Variants in CEMIP observed in about 807,000 individuals in gnomAD.
CEMIP encodes the protein cell migration-inducing and hyaluronan-binding protein.
A neutral mutation model predicts 156.9 loss-of-function variants in CEMIP; 105 were observed. That is an observed-to-expected ratio of 0.67 (90% CI 0.57 to 0.79). The LOEUF is 0.79. CEMIP is among the 30% of genes least tolerant of loss of function. The pLI, the probability that CEMIP is intolerant of heterozygous loss-of-function variation, is 0.00. For missense variants in CEMIP, 1,457 were observed against 1,769.4 expected (o/e 0.82, Z 3.17); for synonymous variants, 676 against 668.4 (o/e 1.01, Z -0.17).
chr15:80,845,006 A>C (rs1264510613), intron 1 of CEMIP, among the ~76,000 whole-genome samples: 4 of 152,258 alleles, frequency 2.6e-5, no homozygotes, highest in Admixed American at 2.0e-4. Context: ...AATGATTTGT[A>C]AAACGATTTT....
intron 12 of CEMIP, among the ~76,000 whole-genome samples, chr15:80,903,337 G>A (rs1259077386): frequency 6.6e-6 from 1 of 152,196 alleles, no homozygotes; most frequent in Non-Finnish European, 1.5e-5. Flanking sequence ...AGCACTGCAG[G>A]AACTCCCAGA....
In CEMIP at chr15:80,873,878, G is replaced by C; in HGVS notation, c.-2G>C. On this transcript the variant is annotated 5_prime_UTR_variant, in exon 3 of 30. Transcript: ENST00000394685. Reference sequence around the variant, plus strand: ...TTCTCTTTCAGGGAGCACACTGCCAGGATGGGAGCTGCTGGGAGGCAGGAC... The same window carrying C: ...TTCTCTTTCAGGGAGCACACTGCCACGATGGGAGCTGCTGGGAGGCAGGAC... The C allele has an allele frequency of 6.3e-7, 1 of 1,575,832 alleles. No homozygotes were observed. Among genetic ancestry groups the C allele is most frequent in the Non-Finnish European group, 8.6e-7 (1 of 1,158,988 alleles).
At chr15:80,824,265 A>C (rs940033368) in intron 1 of CEMIP, among the ~76,000 whole-genome samples, 53 of 152,346 alleles carry the variant, frequency 3.5e-4, no homozygotes, top group African/African-American at 1.2e-3. Context: ...GATTCGAGGC[A>C]GTCCAGTCCA....
intron 29 of CEMIP, chr15:80,947,603 C>A (rs1343392579): frequency 6.4e-6 from 1 of 157,210 alleles, no homozygotes; most frequent in Admixed American, 6.1e-5. Flanking sequence ...CTGGAAGAAG[C>A]CATCCAGGAG....
At chr15:80,816,265 A>C (rs1896785603) in intron 1 of CEMIP, among the ~76,000 whole-genome samples, 1 of 152,194 alleles carries the variant, frequency 6.6e-6, no homozygotes, top group South Asian at 2.1e-4. Context: ...ATCACCACTC[A>C]GTGGTGGCTG....
chr15:80,855,124 C>T (rs1189026997), intron 1 of CEMIP, among the ~76,000 whole-genome samples: 2 of 152,194 alleles, frequency 1.3e-5, no homozygotes, highest in East Asian at 3.8e-4. Context: ...GGGTTTGAGG[C>T]TGCAGTGAGA....
At chr15:80,892,674 G>A (rs768495166) in intron 10 of CEMIP, among the ~76,000 whole-genome samples, 17 of 152,214 alleles carry the variant, frequency 1.1e-4, no homozygotes, top group African/African-American at 3.6e-4. Flanking sequence ...AAGGCAGCCC[G>A]CTCCCTCCAG....
rs1249180399 is a variant in CEMIP at position 80,932,655 on chromosome 15, C to T, written c.2794-590C>T. ...CTGCTCCTGCCTTTTGCCTGTTTGC[C>T]CAGTTCCTGGCAGGCTGAGGGAAAC... On this transcript the variant is annotated intron_variant, in intron 22 of 29. Transcript: ENST00000394685. The surrounding 1 kb of genome is among the most constrained non-coding windows in gnomAD (Gnocchi z 4.5). Among the ~76,000 whole-genome samples the T allele has an allele frequency of 1.3e-5, 2 of 152,126 alleles. No individual in the cohort carries two copies. The highest frequency in any genetic ancestry group is 2.9e-5 in the Non-Finnish European group (2 of 68,024).
chr15:80,846,766 G>A (rs1022240111), intron 1 of CEMIP, among the ~76,000 whole-genome samples: 5 of 152,174 alleles, frequency 3.3e-5, no homozygotes, highest in African/African-American at 7.2e-5. Flanking sequence ...TGAAAAGGAC[G>A]CTTTCTAAGC....
At chr15:80,896,486 T>G in intron 12 of CEMIP, 1 of 383,908 alleles carries the variant, frequency 2.6e-6, no homozygotes, top group Non-Finnish European at 5.1e-6. Context: ...GGGAAGCATA[T>G]GTCTGTCACC....
chr15:80,795,563 G>A (rs1319590622), intron 1 of CEMIP, among the ~76,000 whole-genome samples: 6 of 152,124 alleles, frequency 3.9e-5, no homozygotes, highest in East Asian at 3.9e-4. Context: ...AGTGGGTTTG[G>A]GCTGGAGATT....
rs143504830 is a variant in CEMIP, at chr15:80,898,559, C to G, written c.1411+2499C>G. Among the ~76,000 whole-genome samples, 980 of 152,254 alleles carry G rather than the reference C, an allele frequency of 6.4e-3. 8 individuals are homozygous for G. Among genetic ancestry groups the G allele is most frequent in the Non-Finnish European group, 9.5e-3 (646 of 68,022 alleles). ...GGTGTTGTAGTGAGAGGGAAACAAA[C>G]TATTTCTATCATTATTATTATTGTT... On this transcript the variant is annotated intron_variant, in intron 12 of 29. Coordinates refer to ENST00000394685, the MANE Select transcript of CEMIP (RefSeq NM_001293298.2).
chr15:80,842,100 A>C, intron 1 of CEMIP: 1 of 529,016 alleles, frequency 1.9e-6, no homozygotes, highest in Non-Finnish European at 3.9e-6. Context: ...CCAGGTTCTC[A>C]ACAGTCAACT....
chr15:80,783,567 G>A (rs995505276), intron 1 of CEMIP, among the ~76,000 whole-genome samples: 1 of 152,166 alleles, frequency 6.6e-6, no homozygotes, highest in Non-Finnish European at 1.5e-5. Flanking sequence ...TCTCAGTGCT[G>A]GGTTCCTTTC....
At chr15:80,942,426 C>T (rs982833779) in intron 27 of CEMIP, 89 bp downstream of exon 27, 1 of 1,150,726 alleles carries the variant, frequency 8.7e-7, no homozygotes, top group Admixed American at 1.8e-5. Flanking sequence ...TTACTGCAAA[C>T]TGGGAGCAAG....
At chr15:80,838,099 C>T (rs1291341508) in intron 1 of CEMIP, among the ~76,000 whole-genome samples, 2 of 152,204 alleles carry the variant, frequency 1.3e-5, no homozygotes, top group Non-Finnish European at 2.9e-5. Context: ...TTGTCCAGAC[C>T]CTGACCTGCG....
At chr15:80,835,622 A>G (rs12911628) in intron 1 of CEMIP, among the ~76,000 whole-genome samples, 27,506 of 152,242 alleles carry the variant, frequency 0.18, 3,167 homozygotes, top group East Asian at 0.4. Flanking sequence ...GGTGCCCACA[A>G]AGTCTGGAAA....
chr15:80,791,643 G>A (rs190278532), intron 1 of CEMIP, among the ~76,000 whole-genome samples: 104 of 152,292 alleles, frequency 6.8e-4, no homozygotes, highest in Admixed American at 2.2e-3. Flanking sequence ...CCTTTGGACC[G>A]ATGCATCCCT....
rs1485498739 is a variant in CEMIP, at chr15:80,779,498, A to G, written c.-292A>G. On this transcript the variant is annotated 5_prime_UTR_variant, in exon 1 of 30. Transcript: ENST00000394685. ...ACCCAGATTTCCCAGACTAGCTACC[A>G]CTCCGCTTGCCCACGCCCCGGGAGC... is the stretch of plus-strand genomic sequence containing the variant. 2.0e-5 allele frequency: 3 copies of G among 151,882 alleles called. No individual in the cohort carries two copies. The highest frequency in any genetic ancestry group is 4.4e-5 in the Non-Finnish European group (3 of 67,976). The allele number at this position is 151,882 out of a possible 1,614,324, so 9.4% of individuals were successfully genotyped here.
Sources: gnomAD v4.1 joint callset for allele counts (sites outside exome capture counted in the v4.1 genomes callset) on GRCh38, gnomAD v4.1.1 for gene constraint, Gnocchi (gnomAD v3.1) non-coding constraint, MANE v1.5 for transcripts, NCBI Gene and HGNC (gene_info 2026-07-23, HGNC 2026-07-21) for gene names.